The following DMD variants were observed in gnomAD, a reference collection of about 807,000 sequenced individuals.
DMD encodes the protein dystrophin.
A neutral mutation model predicts 330.1 loss-of-function variants in DMD; 63 were observed. The observed-to-expected ratio is 0.19, with a 90% CI of 0.16 to 0.24. The LOEUF (loss-of-function observed/expected upper bound fraction) is 0.24. DMD is among the 10% of genes least tolerant of loss of function. The pLI is 1.00. For missense variants in DMD, 3,344 were observed against 2,684.1 expected (o/e 1.25, Z -5.43); for synonymous variants, 1,223 against 959.8 (o/e 1.27, Z -5.07).
At chrX:32,516,125 T>A (rs1471434682) in intron 18 of DMD, among the ~76,000 whole-genome samples, 2 of 111,403 alleles carry the variant, frequency 1.8e-5, no homozygotes, top group African/African-American at 6.5e-5. Context: ...ACCACTCAAG[T>A]TCATGACACG....
At chrX:32,055,809 G>A (rs1457042522) in intron 44 of DMD, among the ~76,000 whole-genome samples, 1 of 111,552 alleles carries the variant, frequency 9.0e-6, no homozygotes, top group Admixed American at 9.5e-5. Context: ...AGAATCCAGT[G>A]GCTCTACTAT....
At chrX:33,279,515 C>T (rs1023854603) in intron 1 of DMD, among the ~76,000 whole-genome samples, 9 of 109,787 alleles carry the variant, frequency 8.2e-5, no homozygotes, top group East Asian at 2.9e-4. Context: ...TATAAGGCTG[C>T]TATGAATATT....
At chrX:32,699,045 G>T (rs776849216) in intron 8 of DMD, 67 bp downstream of exon 8, 4 of 975,233 alleles carry the variant, frequency 4.1e-6, no homozygotes, top group Non-Finnish European at 4.4e-6. Flanking sequence ...ATATGTGCAC[G>T]TAATACCTAA....
chrX:31,126,807 A>T, intron 77 of DMD, 134 bp from the exon 78 acceptor site: 27 of 244,796 alleles, frequency 1.1e-4, no homozygotes, highest in East Asian at 1.5e-4. Flanking sequence ...CTGCTGGAAA[A>T]AAAAAAAAAA....
intron 1 of DMD, among the ~76,000 whole-genome samples, chrX:33,202,803 G>A (rs1291704213): frequency 9.0e-6 from 1 of 111,666 alleles, no homozygotes; most frequent in Non-Finnish European, 1.9e-5. Context: ...GTAGTTGTAC[G>A]CATATACATA....
intron 9 of DMD, among the ~76,000 whole-genome samples, chrX:32,680,382 G>A (rs1010695842): frequency 1.8e-5 from 2 of 111,127 alleles, no homozygotes; most frequent in African/African-American, 3.3e-5. Context: ...AAGGCCTGAC[G>A]TTTTTGTCCA....
At chrX:31,644,031 G>A (rs1441697190) in intron 54 of DMD, among the ~76,000 whole-genome samples, 2 of 111,547 alleles carry the variant, frequency 1.8e-5, no homozygotes, top group Non-Finnish European at 3.8e-5. Flanking sequence ...ATATATAACT[G>A]CCACTGTCTG....
At chrX:33,258,089 T>C (rs2052888371) in intron 1 of DMD, among the ~76,000 whole-genome samples, 1 of 111,629 alleles carries the variant, frequency 9.0e-6, no homozygotes, top group African/African-American at 3.2e-5. Flanking sequence ...GTAATAAATA[T>C]ACAAATCACT....
At chrX:31,490,167 C>T (rs758501259) in intron 57 of DMD, among the ~76,000 whole-genome samples, 3 of 112,217 alleles carry the variant, frequency 2.7e-5, no homozygotes, top group South Asian at 3.7e-4. Flanking sequence ...ATCAAAAAGA[C>T]GTCTATTTCC....
intron 60 of DMD, among the ~76,000 whole-genome samples, chrX:31,436,497 A>T (rs140558181): frequency 0.013 from 1,483 of 111,234 alleles, 19 homozygotes; most frequent in African/African-American, 0.046. Flanking sequence ...AATTCCCTTG[A>T]AAACCAGACC....
intron 16 of DMD, among the ~76,000 whole-genome samples, chrX:32,563,687 A>C (rs759496416): frequency 4.5e-5 from 5 of 111,920 alleles, no homozygotes; most frequent in African/African-American, 1.3e-4. Flanking sequence ...AATTGGAATA[A>C]TCAAATCAGT....
intron 2 of DMD, among the ~76,000 whole-genome samples, chrX:32,931,855 A>G (rs1164716854): frequency 8.9e-6 from 1 of 111,775 alleles, no homozygotes; most frequent in African/African-American, 3.2e-5. Flanking sequence ...TGAAACTCCA[A>G]TATCTACTGT....
intron 16 of DMD, among the ~76,000 whole-genome samples, chrX:32,557,602 T>G (rs1287283396): frequency 8.9e-6 from 1 of 111,928 alleles, no homozygotes; most frequent in African/African-American, 3.2e-5. Context: ...TACTGCATAA[T>G]CATAGCAACA....
At chrX:32,466,653 G>T (rs1291083289) in intron 23 of DMD, among the ~76,000 whole-genome samples, 1 of 111,383 alleles carries the variant, frequency 9.0e-6, no homozygotes, top group Non-Finnish European at 1.9e-5. Flanking sequence ...GGAAAGGAAG[G>T]TGAGAAGGAG....
intron 7 of DMD, among the ~76,000 whole-genome samples, chrX:32,735,948 A>G (rs1306319900): frequency 5.4e-5 from 6 of 111,880 alleles, no homozygotes; most frequent in South Asian, 7.5e-4. Context: ...CTTCTGCACA[A>G]CAAAAGAAAC....
chrX:32,762,071 A>AACCT (rs1318750824), intron 7 of DMD, among the ~76,000 whole-genome samples: 1 of 108,963 alleles, frequency 9.2e-6, no homozygotes, highest in Non-Finnish European at 1.9e-5. Context: ...GAATCATTTG[A>AACCT]ACCTAGGAGG....
At chrX:32,082,633 G>GT (rs1324945266) in intron 44 of DMD, among the ~76,000 whole-genome samples, 1 of 111,353 alleles carries the variant, frequency 9.0e-6, no homozygotes, top group Non-Finnish European at 1.9e-5. Context: ...AACATCCTTT[G>GT]TAAAAAACAG....
rs138018013 is a variant in DMD at position 33,095,594 on chromosome X, T to C, written c.32-75394A>G. Among the ~76,000 whole-genome samples the C allele has an allele frequency of 2.5e-3, 285 of 112,041 alleles. 5 individuals carry two copies. In the East Asian group the frequency reaches 0.066, roughly 26 times the overall value. On this transcript the variant is annotated intron_variant, in intron 1 of 78. Transcript: ENST00000357033. Reference sequence around the variant, plus strand: ...ATGAAGTGCAAACTTTCTTTTTAATTCTCTTTTCTGTAGTGTACAAACTCA... The same window carrying C: ...ATGAAGTGCAAACTTTCTTTTTAATCCTCTTTTCTGTAGTGTACAAACTCA...
chrX:31,837,422 CA>C (rs977619646), intron 48 of DMD, among the ~76,000 whole-genome samples: 7 of 109,257 alleles, frequency 6.4e-5, no homozygotes, highest in East Asian at 2.8e-4. Context: ...TGAAGCATGA[CA>C]AAAAAAAATC....
Sources: gnomAD v4.1 joint callset for allele counts (sites outside exome capture counted in the v4.1 genomes callset) on GRCh38, gnomAD v4.1.1 for gene constraint, MANE v1.5 for transcripts, NCBI Gene and HGNC (gene_info 2026-07-23, HGNC 2026-07-21) for gene names.